The following OSBPL6 variants were observed in gnomAD, a reference collection of about 807,000 sequenced individuals.
OSBPL6 encodes oxysterol binding protein like 6.
Under a neutral mutation model 125.8 loss-of-function variants are expected in OSBPL6, and 49 were observed. That is an observed-to-expected ratio of 0.39 (90% CI 0.31 to 0.49). The LOEUF is 0.49. Ranked by LOEUF, OSBPL6 falls within the 20% of genes least tolerant of loss-of-function variation. The pLI, the probability that OSBPL6 is intolerant of heterozygous loss-of-function variation, is 0.88. For synonymous variants in OSBPL6, 394 were observed against 391.8 expected (o/e 1.01, Z -0.07); for missense variants, 986 against 1,135.4 (o/e 0.87, Z 1.89).
At position 178,384,045 on chromosome 2, in the gene OSBPL6, G is replaced by A. The variant is rs146831363; in HGVS notation, c.1882G>A (p.Val628Ile). The part of the protein sequence containing the change: ...TDDPYERMVL[V>I]AAFAVSGYCS... ...TTCTTCAATGTTTTAACAGGTTCTC[G>A]TTGCCGCATTTGCAGTTTCAGGATA... The change falls in exon 18 of 25, where the codon GTT (valine) becomes ATT (isoleucine). Residue 628 changes from valine (V) to isoleucine (I), a missense_variant. Val to Ile is a conservative substitution (Grantham distance 29). Transcript: ENST00000190611. 1.2e-4 allele frequency: 191 copies of A among 1,613,786 alleles called. 1 individual carries two copies. The highest frequency in any genetic ancestry group is 3.8e-4 in the East Asian group (17 of 44,876).
At chr2:178,355,424 GA>G (rs1329725018) in intron 12 of OSBPL6, among the ~76,000 whole-genome samples, 8 of 152,126 alleles carry the variant, frequency 5.3e-5, no homozygotes, top group African/African-American at 1.4e-4. Context: ...CAAACCCACA[GA>G]AATACAAACT....
chr2:178,268,854 C>G (rs1004168783), intron 1 of OSBPL6, among the ~76,000 whole-genome samples: 8 of 151,930 alleles, frequency 5.3e-5, no homozygotes, highest in Non-Finnish European at 1.2e-4. Context: ...TCAGAGATGG[C>G]AGCAAGTGAC....
intron 12 of OSBPL6, among the ~76,000 whole-genome samples, chr2:178,360,443 T>C (rs750903577): frequency 1.4e-4 from 22 of 152,198 alleles, no homozygotes; most frequent in Admixed American, 2.0e-4. Context: ...TTTTATTACA[T>C]ATATGTATCT....
chr2:178,304,983 G>A (rs531779112), intron 2 of OSBPL6, among the ~76,000 whole-genome samples: 1 of 152,188 alleles, frequency 6.6e-6, no homozygotes, highest in Non-Finnish European at 1.5e-5. Flanking sequence ...ATCTGATTCA[G>A]TGTCTCACCC....
At chr2:178,348,108 C>T (rs1222153046) in intron 11 of OSBPL6, among the ~76,000 whole-genome samples, 1 of 152,110 alleles carries the variant, frequency 6.6e-6, no homozygotes, top group African/African-American at 2.4e-5. Flanking sequence ...TCTCCTTCCC[C>T]CTTTCTCTCA....
At chr2:178,287,133 A>T (rs1684767484) in intron 2 of OSBPL6, among the ~76,000 whole-genome samples, 1 of 137,094 alleles carries the variant, frequency 7.3e-6, no homozygotes, top group South Asian at 2.6e-4. Flanking sequence ...TCCTAAAACA[A>T]TGGTTCTTCT....
At chr2:178,203,778 C>T (rs1235684569) in intron 1 of OSBPL6, among the ~76,000 whole-genome samples, 1 of 152,156 alleles carries the variant, frequency 6.6e-6, no homozygotes. Context: ...TTAGTGGGAC[C>T]AGATAGTGCT....
intron 1 of OSBPL6, among the ~76,000 whole-genome samples, chr2:178,213,235 C>G (rs998426465): frequency 6.6e-6 from 1 of 151,936 alleles, no homozygotes. Flanking sequence ...CCTGCTTGAC[C>G]GCATCAAGTT....
At chr2:178,377,990 G>A (rs916349692) in intron 15 of OSBPL6, among the ~76,000 whole-genome samples, 4 of 152,040 alleles carry the variant, frequency 2.6e-5, no homozygotes, top group Admixed American at 2.0e-4. Flanking sequence ...CACCACGCCT[G>A]GCTAATTTTT....
chr2:178,199,932 C>T (rs1372499528), intron 1 of OSBPL6, among the ~76,000 whole-genome samples: 1 of 152,106 alleles, frequency 6.6e-6, no homozygotes, highest in Non-Finnish European at 1.5e-5. Flanking sequence ...CTTCTAGTCT[C>T]AAAGTGTCCA....
At chr2:178,261,081 G>A (rs573083580) in intron 1 of OSBPL6, among the ~76,000 whole-genome samples, 2 of 151,920 alleles carry the variant, frequency 1.3e-5, no homozygotes, top group East Asian at 1.9e-4. Flanking sequence ...GCAGTGAGCC[G>A]AGATCACACC....
Position 178,260,383 on chromosome 2 carries a change from G to A in OSBPL6, c.-350-24544G>A, listed in dbSNP as rs74898520. Among the ~76,000 whole-genome samples, 37 of 98,238 alleles carry A rather than the reference G, an allele frequency of 3.8e-4. No homozygotes were observed. In the Middle Eastern group the frequency reaches 0.016, roughly 44 times the overall value. The allele number at this position is 98,238 out of a possible 152,430, so 64.4% of individuals were successfully genotyped here. Reference sequence around the variant, plus strand: ...TATATGTATATGTATATGTATATGTGTATGTGTATGTGTATGTATATGTAT... The same window carrying A: ...TATATGTATATGTATATGTATATGTATATGTGTATGTGTATGTATATGTAT... On this transcript the variant is annotated intron_variant, in intron 1 of 24. Transcript: ENST00000190611.
At chr2:178,374,724 A>G (rs1454234958) in intron 15 of OSBPL6, among the ~76,000 whole-genome samples, 2 of 152,228 alleles carry the variant, frequency 1.3e-5, no homozygotes, top group Non-Finnish European at 2.9e-5. Context: ...GCAAATCTAT[A>G]CTGCATTTTT....
chr2:178,204,366 TC>T (rs2089425955), intron 1 of OSBPL6, among the ~76,000 whole-genome samples: 1 of 152,156 alleles, frequency 6.6e-6, no homozygotes, highest in African/African-American at 2.4e-5. Context: ...TCTCTGGAAA[TC>T]TCTCTGTGAA....
At chr2:178,342,010 G>T (rs1353632241) in intron 11 of OSBPL6, among the ~76,000 whole-genome samples, 1 of 152,102 alleles carries the variant, frequency 6.6e-6, no homozygotes, top group Non-Finnish European at 1.5e-5. Flanking sequence ...TTTTACTCTA[G>T]TGGATTAAAG....
chr2:178,369,240 A>G (rs977965140), intron 13 of OSBPL6, among the ~76,000 whole-genome samples: 1 of 152,244 alleles, frequency 6.6e-6, no homozygotes, highest in African/African-American at 2.4e-5. Context: ...TCTCCAGACC[A>G]TCCCAATGAA....
rs1170664635 is a variant in OSBPL6, at chr2:178,344,287, A to G, written c.987+4523A>G. 1.9e-6 allele frequency: 3 copies of G among 1,613,850 alleles called. No individual in the cohort carries two copies. The highest frequency in any genetic ancestry group is 1.3e-5 in the African/African-American group (1 of 74,888). On this transcript the variant is annotated intron_variant, in intron 11 of 24. Coordinates refer to ENST00000190611, the MANE Select transcript of OSBPL6 (RefSeq NM_032523.4). The stretch of plus-strand genomic sequence containing the variant: ...CCCTCTTCTCCCATTCACCGTCAGG[A>G]AGGGCCACCCGCGAAGGGCCAGTTC...
At chr2:178,289,409 G>A (rs1322997415) in intron 2 of OSBPL6, among the ~76,000 whole-genome samples, 2 of 152,046 alleles carry the variant, frequency 1.3e-5, no homozygotes, top group African/African-American at 4.8e-5. Flanking sequence ...ACAACCATAC[G>A]CACACACTCA....
chr2:178,207,777 T>C (rs2089616987), intron 1 of OSBPL6, among the ~76,000 whole-genome samples: 1 of 152,008 alleles, frequency 6.6e-6, no homozygotes, highest in African/African-American at 2.4e-5. Flanking sequence ...GAAAGAAACT[T>C]GAGGGAGGAT....
Sources: gnomAD v4.1 joint callset for allele counts (sites outside exome capture counted in the v4.1 genomes callset) on GRCh38, gnomAD v4.1.1 for gene constraint, MANE v1.5 for transcripts, NCBI Gene and HGNC (gene_info 2026-07-23, HGNC 2026-07-21) for gene names.